The following DPP10 variants were observed in gnomAD, a reference collection of about 807,000 sequenced individuals.
DPP10 encodes the protein dipeptidyl peptidase like 10.
In DPP10, 33 loss-of-function variants were observed where a neutral mutation model predicts 120.9. The observed-to-expected ratio is 0.27, with a 90% confidence interval of 0.21 to 0.37. The LOEUF is 0.37. Ranked by LOEUF, DPP10 falls within the 10% of genes least tolerant of loss-of-function variation. The pLI is 1.00. For missense variants in DPP10, 816 were observed against 942.8 expected, an observed-to-expected ratio of 0.87 and a Z score of 1.76; for synonymous variants, 337 against 326.1, an observed-to-expected ratio of 1.03 and a Z score of -0.36.
intron 3 of DPP10, among the ~76,000 whole-genome samples, chr2:115,372,250 A>G (rs1005483987): frequency 1.3e-5 from 2 of 152,174 alleles, no homozygotes; most frequent in Non-Finnish European, 2.9e-5. Context: ...GAAGTAAGAA[A>G]AAGAGTACAT....
chr2:115,522,300 C>A (rs1329323813), intron 4 of DPP10, among the ~76,000 whole-genome samples: 2 of 152,072 alleles, frequency 1.3e-5, no homozygotes, highest in Non-Finnish European at 2.9e-5. Flanking sequence ...TGTTTTGGAC[C>A]CTTGCTCTAC....
chr2:115,324,921 A>AAG (rs1202850063), intron 2 of DPP10, among the ~76,000 whole-genome samples: 6 of 151,264 alleles, frequency 4.0e-5, no homozygotes, highest in South Asian at 4.2e-4. Flanking sequence ...AGGGGGCCTG[A>AAG]AGAGAGAGAG....
intron 1 of DPP10, among the ~76,000 whole-genome samples, chr2:115,243,557 G>GT (rs922337790): frequency 6.6e-6 from 1 of 151,920 alleles, no homozygotes; most frequent in African/African-American, 2.4e-5. Flanking sequence ...TTGCTAAAGA[G>GT]TTTTTTGATA....
At chr2:114,957,391 C>T (rs560846377) in intron 1 of DPP10, among the ~76,000 whole-genome samples, 26 of 151,866 alleles carry the variant, frequency 1.7e-4, no homozygotes, top group African/African-American at 5.8e-4. Context: ...AAATCAAAAC[C>T]GCAATGAGAT....
At chr2:114,485,333 G>T (rs377299504) in intron 1 of DPP10, among the ~76,000 whole-genome samples, 3 of 152,056 alleles carry the variant, frequency 2.0e-5, no homozygotes, top group Non-Finnish European at 2.9e-5. Flanking sequence ...TGGGGACAAA[G>T]AAATGAAGCA....
intron 4 of DPP10, among the ~76,000 whole-genome samples, chr2:115,519,775 C>G (rs887731519): frequency 6.6e-6 from 1 of 152,118 alleles, no homozygotes; most frequent in African/African-American, 2.4e-5. Flanking sequence ...AGATCGTAAT[C>G]TTTTTCCCTC....
intron 1 of DPP10, among the ~76,000 whole-genome samples, chr2:115,105,964 A>G (rs2048927597): frequency 6.6e-6 from 1 of 152,152 alleles, no homozygotes; most frequent in Admixed American, 6.5e-5. Context: ...TCTAATTTTT[A>G]TTTTTTAATG....
chr2:114,727,460 C>A (rs1028498859), intron 1 of DPP10, among the ~76,000 whole-genome samples: 3 of 152,148 alleles, frequency 2.0e-5, no homozygotes, highest in African/African-American at 7.2e-5. Flanking sequence ...TATGATCCAG[C>A]AGGTTGTTTT....
chr2:114,955,270 G>C (rs1320075213), intron 1 of DPP10, among the ~76,000 whole-genome samples: 1 of 152,156 alleles, frequency 6.6e-6, no homozygotes, highest in Non-Finnish European at 1.5e-5. Context: ...AGGACCACCA[G>C]AGGTCACTCT....
rs201733922 is a variant in DPP10 at position 115,755,944 on chromosome 2, G to A, written c.1074+2647G>A. ...GCTTTTTTAAAAAGTGTGTGTGTGTGTATATATATACATAAAACATTCCAT... is the reference window on the plus strand; with the variant it reads ...GCTTTTTTAAAAAGTGTGTGTGTGTATATATATATACATAAAACATTCCAT... On this transcript the variant is annotated intron_variant, in intron 11 of 25. Transcript: ENST00000410059. Among the ~76,000 whole-genome samples the A allele has an allele frequency of 1.1e-3, 173 of 150,784 alleles. 2 individuals carry two copies. The highest frequency in any genetic ancestry group is 3.3e-3 in the African/African-American group (136 of 41,160).
chr2:115,199,805 AT>A lies in DPP10; in HGVS notation c.61-109431del, dbSNP rs2055564279. Among the ~76,000 whole-genome samples, 5 of 152,258 alleles carry A rather than the reference AT, an allele frequency of 3.3e-5. No homozygotes were observed. In the South Asian group the frequency reaches 8.3e-4, roughly 25 times the overall value. ...TTATAGGATGATTAAAAATATCTGG[AT>A]TTCATAAGGCATAATTGACAGGTTG... On this transcript the variant is annotated intron_variant, in intron 1 of 25. Transcript: ENST00000410059.
chr2:115,613,152 C>T (rs1575335823), intron 5 of DPP10, among the ~76,000 whole-genome samples: 2 of 152,070 alleles, frequency 1.3e-5, no homozygotes, highest in Admixed American at 6.6e-5. Flanking sequence ...TTTCTAGGAG[C>T]GCCAGATGCT....
At chr2:114,898,913 G>T (rs1693296800) in intron 1 of DPP10, among the ~76,000 whole-genome samples, 1 of 152,224 alleles carries the variant, frequency 6.6e-6, no homozygotes, top group African/African-American at 2.4e-5. Flanking sequence ...ACAACTGCAG[G>T]TCATTAATTC....
At position 115,420,818 on chromosome 2, in the gene DPP10, G is replaced by A. The variant is rs543700046; in HGVS notation, c.271+76906G>A. Among the ~76,000 whole-genome samples the A allele has an allele frequency of 6.6e-5, 10 of 152,260 alleles. 1 individual carries two copies. The South Asian group carries it at 1.7e-3, about 25-fold the overall frequency. ...GGAAGACAACAGTAGAAGGACCAGA[G>A]TAGAAGATGGGGGAAAATATCGAAT... On this transcript the variant is annotated intron_variant, in intron 3 of 25. Transcript: ENST00000410059.
At chr2:114,964,871 T>C (rs1312591947) in intron 1 of DPP10, among the ~76,000 whole-genome samples, 2 of 152,184 alleles carry the variant, frequency 1.3e-5, no homozygotes, top group African/African-American at 2.4e-5. Flanking sequence ...TTAAGAAATA[T>C]ACTGAAAGAA....
intron 2 of DPP10, among the ~76,000 whole-genome samples, chr2:115,319,933 C>T (rs892667267): frequency 2.6e-5 from 4 of 152,090 alleles, no homozygotes; most frequent in Admixed American, 6.6e-5. Flanking sequence ...TAATTTCATT[C>T]GTAATGGTAG....
At chr2:115,639,794 A>G (rs1172149438) in intron 5 of DPP10, among the ~76,000 whole-genome samples, 1 of 152,106 alleles carries the variant, frequency 6.6e-6, no homozygotes, top group African/African-American at 2.4e-5. Context: ...CAATCCTCAG[A>G]TGGTTCTTCT....
Position 114,659,991 on chromosome 2 carries a change from C to A in DPP10, c.60+217153C>A, listed in dbSNP as rs913728953. Among the ~76,000 whole-genome samples, 4 of 152,268 alleles carry A rather than the reference C, an allele frequency of 2.6e-5. No individual in the cohort carries two copies. In the East Asian group the frequency reaches 7.7e-4, roughly 29 times the overall value. The stretch of plus-strand genomic sequence containing the variant: ...TTCAGAAAGAGCATGGCCATCAACA[C>A]CTTCATTTCAGACTTCTAGGCTCCA... On this transcript the variant is annotated intron_variant, in intron 1 of 25. Coordinates refer to ENST00000410059, the MANE Select transcript of DPP10 (RefSeq NM_020868.6).
chr2:114,566,739 C>G (rs1689231728), intron 1 of DPP10, among the ~76,000 whole-genome samples: 1 of 152,180 alleles, frequency 6.6e-6, no homozygotes, highest in Non-Finnish European at 1.5e-5. Flanking sequence ...GGAAGAACAC[C>G]AGGCAGGTGG....
Sources: gnomAD v4.1 joint callset for allele counts (sites outside exome capture counted in the v4.1 genomes callset) on GRCh38, gnomAD v4.1.1 for gene constraint, MANE v1.5 for transcripts, NCBI Gene and HGNC (gene_info 2026-07-23, HGNC 2026-07-21) for gene names.